The following RARB variants were observed in gnomAD, a reference collection of about 807,000 sequenced individuals.
The protein encoded by RARB is retinoic acid receptor beta.
In RARB, 17 loss-of-function variants were observed where a neutral mutation model predicts 51.9. That is an observed-to-expected ratio of 0.33 (90% CI 0.22 to 0.49). RARB has a LOEUF of 0.49. RARB is among the 20% of genes least tolerant of loss of function. The pLI is 0.99. For synonymous variants in RARB, 215 were observed against 195.4 expected, an observed-to-expected ratio of 1.10 and a Z score of -0.84; for missense variants, 369 against 550.8, an observed-to-expected ratio of 0.67 and a Z score of 3.30.
intron 5 of RARB, among the ~76,000 whole-genome samples, chr3:25,232,973 C>CTTTTTTTTTTTTTTTTTT (rs71061205): frequency 8.4e-6 from 1 of 118,768 alleles, no homozygotes; most frequent in Non-Finnish European, 1.7e-5. Context: ...TTTTCTTTTT[C>CTTTTTTTTTTTTTTTTTT]TTTTTTTTTT....
intron 1 of RARB, among the ~76,000 whole-genome samples, chr3:24,833,693 G>A (rs1702309282): frequency 6.6e-6 from 1 of 152,156 alleles, no homozygotes; most frequent in African/African-American, 2.4e-5. Flanking sequence ...TAATTGTTCA[G>A]TTCAGAAACT....
At chr3:25,347,493 G>A (rs940758878) in intron 5 of RARB, among the ~76,000 whole-genome samples, 3 of 152,078 alleles carry the variant, frequency 2.0e-5, no homozygotes, top group Non-Finnish European at 4.4e-5. Flanking sequence ...ATTGCCTTTA[G>A]GCACCCTTAG....
At chr3:25,172,842 C>T (rs1455170331) in intron 4 of RARB, among the ~76,000 whole-genome samples, 1 of 152,142 alleles carries the variant, frequency 6.6e-6, no homozygotes, top group Non-Finnish European at 1.5e-5. Context: ...TGTATTACTT[C>T]ATTTAATCCT....
intron 2 of RARB, among the ~76,000 whole-genome samples, chr3:24,979,105 T>C (rs1185198136): frequency 6.6e-6 from 1 of 152,240 alleles, no homozygotes; most frequent in Non-Finnish European, 1.5e-5. Context: ...GATTGCACTG[T>C]GGTCTGAGAG....
intron 5 of RARB, among the ~76,000 whole-genome samples, chr3:25,250,792 G>C (rs1702697863): frequency 6.6e-6 from 1 of 152,250 alleles, no homozygotes; most frequent in African/African-American, 2.4e-5. Context: ...CTCAAGCAAT[G>C]CTGTCATGTG....
At chr3:25,421,249 C>A (rs926763683) in intron 5 of RARB, among the ~76,000 whole-genome samples, 14 of 151,968 alleles carry the variant, frequency 9.2e-5, no homozygotes, top group African/African-American at 3.1e-4. Context: ...GCCCCTACCC[C>A]CTCCACCTGC....
At chr3:25,140,170 C>A (rs766690849) in intron 4 of RARB, among the ~76,000 whole-genome samples, 4 of 151,936 alleles carry the variant, frequency 2.6e-5, no homozygotes, top group Non-Finnish European at 4.4e-5. Context: ...AACTTTTAGG[C>A]CTTATTATTT....
intron 2 of RARB, among the ~76,000 whole-genome samples, chr3:24,935,214 T>C (rs1695524371): frequency 6.6e-6 from 1 of 152,150 alleles, no homozygotes; most frequent in African/African-American, 2.4e-5. Context: ...AATTGCTTTG[T>C]TACGTTTAGG....
At chr3:25,139,758 A>G (rs546920590) in intron 4 of RARB, among the ~76,000 whole-genome samples, 7 of 152,294 alleles carry the variant, frequency 4.6e-5, no homozygotes, top group African/African-American at 1.7e-4. Flanking sequence ...ATCTGGGACT[A>G]TCATAGCTAA....
chr3:25,580,836 C>A, intron 5 of RARB, 114 bp downstream of exon 5: 1 of 1,179,510 alleles, frequency 8.5e-7, no homozygotes, highest in African/African-American at 1.5e-5. Context: ...TGAGTTTCGA[C>A]TCTAGCACTC....
At chr3:25,299,484 G>A (rs1046211293) in intron 5 of RARB, among the ~76,000 whole-genome samples, 1 of 152,104 alleles carries the variant, frequency 6.6e-6, no homozygotes, top group Admixed American at 6.6e-5. Flanking sequence ...ACAGACATGA[G>A]CCACCACACC....
intron 2 of RARB, among the ~76,000 whole-genome samples, chr3:24,907,735 A>G (rs372628472): frequency 1.3e-5 from 2 of 152,218 alleles, no homozygotes; most frequent in African/African-American, 4.8e-5. Flanking sequence ...TACTTGAAAA[A>G]AAAGATTTAA....
chr3:25,019,356 G>C (rs1288162542), intron 2 of RARB, among the ~76,000 whole-genome samples: 1 of 152,150 alleles, frequency 6.6e-6, no homozygotes, highest in Admixed American at 6.5e-5. Context: ...AAAGATAGAG[G>C]TGTGATATGA....
At chr3:25,035,397 C>A (rs1187263701) in intron 2 of RARB, among the ~76,000 whole-genome samples, 2 of 144,744 alleles carry the variant, frequency 1.4e-5, no homozygotes, top group Non-Finnish European at 1.5e-5. Flanking sequence ...GCTGGAATTA[C>A]AGTTGTGAGC....
intron 2 of RARB, among the ~76,000 whole-genome samples, chr3:25,054,590 T>C (rs1385446032): frequency 6.6e-6 from 1 of 152,156 alleles, no homozygotes; most frequent in Non-Finnish European, 1.5e-5. Flanking sequence ...CAACAGTGTG[T>C]ATATAAATAT....
intron 2 of RARB, among the ~76,000 whole-genome samples, chr3:24,888,072 A>C (rs1703297639): frequency 6.6e-6 from 1 of 152,216 alleles, no homozygotes; most frequent in East Asian, 1.9e-4. Flanking sequence ...TGATTAAAGT[A>C]CTATGAGTCC....
intron 5 of RARB, among the ~76,000 whole-genome samples, chr3:25,251,962 GT>G (rs556713765): frequency 6.6e-6 from 1 of 151,838 alleles, no homozygotes; most frequent in African/African-American, 2.4e-5. Flanking sequence ...TTATGCCTGT[GT>G]TTTTTTCTAA....
At chr3:24,861,891 A>T (rs1702755755) in intron 2 of RARB, among the ~76,000 whole-genome samples, 1 of 152,224 alleles carries the variant, frequency 6.6e-6, no homozygotes. Context: ...TCCCTGGATC[A>T]CAGTTTAAGA....
At chr3:24,831,934 A>G (rs900188916) in intron 1 of RARB, among the ~76,000 whole-genome samples, 1 of 152,188 alleles carries the variant, frequency 6.6e-6, no homozygotes. Context: ...AGACTTTCAA[A>G]GGTTAAATTT....
Sources: gnomAD v4.1 joint callset for allele counts (sites outside exome capture counted in the v4.1 genomes callset) on GRCh38, gnomAD v4.1.1 for gene constraint, MANE v1.5 for transcripts, NCBI Gene and HGNC (gene_info 2026-07-23, HGNC 2026-07-21) for gene names.